PATL2: variants seen among roughly 807,000 people sequenced by gnomAD.
PATL2 encodes protein PAT1 homolog 2.
A neutral mutation model predicts 77.0 loss-of-function variants in PATL2; 73 were observed. That is an observed-to-expected ratio of 0.95 (90% CI 0.78 to 1.15). The LOEUF (loss-of-function observed/expected upper bound fraction) is 1.15. Ranked by LOEUF, PATL2 falls within the 50% of genes most tolerant of loss-of-function variation. The pLI is 0.00. For synonymous variants in PATL2, 265 were observed against 257.1 expected (o/e 1.03, Z -0.29); for missense variants, 618 against 655.4 (o/e 0.94, Z 0.62).
intron 3 of PATL2, among the ~76,000 whole-genome samples, chr15:44,680,270 G>A (rs925288930): frequency 3.9e-5 from 6 of 152,202 alleles, no homozygotes; most frequent in Admixed American, 6.5e-5. Flanking sequence ...AGCCTGCTGA[G>A]CTGTTCTTTA....
In PATL2 at chr15:44,702,117, T is replaced by G. The variant is rs533376229; in HGVS notation, c.-76+7979A>C. On this transcript the variant is annotated intron_variant, in intron 3 of 17. Coordinates refer to ENST00000682850, the MANE Select transcript of PATL2 (RefSeq NM_001387263.1). ...TGGTATTAGTTCTTCTTCATATGTT[T>G]AGTAACATTTAGCAGTGAAGACATA... 7.9e-5 allele frequency among the ~76,000 whole-genome samples: 12 copies of G among 152,276 alleles called. No homozygotes were observed. The South Asian group carries it at 2.5e-3, about 32-fold the overall frequency.
At chr15:44,690,874 T>C (rs765145485) in intron 3 of PATL2, among the ~76,000 whole-genome samples, 18 of 152,160 alleles carry the variant, frequency 1.2e-4, no homozygotes, top group Non-Finnish European at 2.5e-4. Context: ...ATAAGTTTGC[T>C]ATTTTCTCTG....
chr15:44,701,116 C>T (rs1268041687), intron 3 of PATL2, among the ~76,000 whole-genome samples: 2 of 151,936 alleles, frequency 1.3e-5, no homozygotes, highest in Non-Finnish European at 1.5e-5. Context: ...TGGGATAAAT[C>T]CCACTTGGTC....
Position 44,669,791 on chromosome 15 carries a change from C to T in PATL2, c.862G>A (p.Gly288Arg). The change falls in exon 11 of 18, where the codon GGA becomes AGA. Residue 288 changes from glycine to arginine, a missense_variant. Coordinates refer to ENST00000682850, the MANE Select transcript of PATL2 (RefSeq NM_001387263.1). ...AGTGCTCCCACCTGCTCTTGAGTTC[C>T]ATGGGGTACCGCATCAATAGCTCGG... is the stretch of plus-strand genomic sequence containing the variant. ...PRRAIDAVPH[G>R]TQEQDIEAAS... is the part of the protein sequence containing the mutation. 1 of 1,551,702 alleles carries T rather than the reference C, an allele frequency of 6.4e-7. No homozygotes were observed. The highest frequency in any genetic ancestry group is 8.7e-7 in the Non-Finnish European group (1 of 1,146,986).
At chr15:44,680,731 T>C (rs2086115895) in intron 3 of PATL2, among the ~76,000 whole-genome samples, 1 of 152,238 alleles carries the variant, frequency 6.6e-6, no homozygotes, top group Non-Finnish European at 1.5e-5. Context: ...ACCAAACTTC[T>C]CCATTTCCTC....
chr15:44,694,874 T>C (rs1164095490), intron 3 of PATL2, among the ~76,000 whole-genome samples: 3 of 152,068 alleles, frequency 2.0e-5, no homozygotes, highest in Non-Finnish European at 4.4e-5. Context: ...CCGAGGACCC[T>C]TAGATCAACC....
rs1415799874 is a variant in PATL2, at chr15:44,676,111, G to C, written c.16+364C>G. 2.8e-5 allele frequency: 10 copies of C among 360,932 alleles called. No individual in the cohort carries two copies. In the East Asian group the frequency reaches 5.6e-4, roughly 20 times the overall value. The allele number at this position is 360,932 out of a possible 1,614,324, so 22.4% of individuals were successfully genotyped here. On this transcript the variant is annotated intron_variant, in intron 4 of 17. Transcript: ENST00000682850. ...TCTTCAATTCCTTCATTAAGTTCTAGCACAGCCTTTTCCATCTGCTCTGCC... is the reference window on the plus strand; with the variant it reads ...TCTTCAATTCCTTCATTAAGTTCTACCACAGCCTTTTCCATCTGCTCTGCC...
chr15:44,668,015 G>C (rs1351722721), intron 15 of PATL2, among the ~76,000 whole-genome samples: 1 of 152,154 alleles, frequency 6.6e-6, no homozygotes, highest in Non-Finnish European at 1.5e-5. Context: ...ATAAACACAT[G>C]GGTAGTGTGG....
chr15:44,674,049 C>G lies in PATL2; in HGVS notation c.303+101G>C, dbSNP rs552279584. On this transcript the variant is annotated intron_variant, in intron 6 of 17. Transcript: ENST00000682850. Reference sequence around the variant, plus strand: ...CAACTCCCACCTCCCACACCCATACCTCACTTTGGGTGCCTTAACTCCAGA... The same window carrying G: ...CAACTCCCACCTCCCACACCCATACGTCACTTTGGGTGCCTTAACTCCAGA... 4.4e-6 allele frequency: 5 copies of G among 1,130,830 alleles called. No homozygotes were observed. The East Asian group carries it at 1.3e-4, about 29-fold the overall frequency. 70.0% of individuals were successfully genotyped at this position (1,130,830 alleles called of 1,614,324 possible).
chr15:44,678,350 T>G (rs2141220542), intron 3 of PATL2, among the ~76,000 whole-genome samples: 1 of 152,324 alleles, frequency 6.6e-6, no homozygotes, highest in Non-Finnish European at 1.5e-5. Flanking sequence ...CTTCTGGTAC[T>G]GACTAGTACC....
At chr15:44,706,739 T>C (rs530119273) in intron 3 of PATL2, among the ~76,000 whole-genome samples, 5 of 152,362 alleles carry the variant, frequency 3.3e-5, no homozygotes, top group Non-Finnish European at 7.3e-5. Flanking sequence ...CCAAGGCCTA[T>C]GGTAACCACC....
rs1370961794 is a variant in PATL2, at chr15:44,674,066, A to G, written c.303+84T>C. ...ACCCATACCTCACTTTGGGTGCCTT[A>G]ACTCCAGACCAGGGTTGGGGGTAGA... On this transcript the variant is annotated intron_variant, in intron 6 of 17. Transcript: ENST00000682850. 3.0e-6 allele frequency: 4 copies of G among 1,328,106 alleles called. No individual in the cohort carries two copies. In the African/African-American group the frequency reaches 4.4e-5, roughly 15 times the overall value. 82.3% of individuals were successfully genotyped at this position (1,328,106 alleles called of 1,614,324 possible). A position where few individuals can be genotyped will look rare whatever the true frequency, so the allele number is the denominator to read the frequency against.
chr15:44,691,571 T>C (rs967117496), intron 3 of PATL2, among the ~76,000 whole-genome samples: 2 of 151,876 alleles, frequency 1.3e-5, no homozygotes, highest in Non-Finnish European at 2.9e-5. Flanking sequence ...GGCACAAGAA[T>C]TGCTTGAACT....
intron 3 of PATL2, among the ~76,000 whole-genome samples, chr15:44,692,979 G>A (rs2086425423): frequency 6.6e-6 from 1 of 152,362 alleles, no homozygotes; most frequent in Non-Finnish European, 1.5e-5. Context: ...GACCAAGCCA[G>A]GCTTTGGCAA....
chr15:44,674,165 C>G lies in PATL2; in HGVS notation c.288G>C (p.Leu96Phe). The G allele has an allele frequency of 6.5e-7, 1 of 1,549,600 alleles. No homozygotes were observed. The highest frequency in any genetic ancestry group is 8.7e-7 in the Non-Finnish European group (1 of 1,145,192). Residue 96 changes from leucine to phenylalanine, a missense_variant, in exon 6 of 18, where the codon TTG becomes TTC. Leu to Phe is a conservative substitution (Grantham distance 22). Transcript: ENST00000682850. ...GCAGACTCACCTGCCACAGAAAATGCAAGGAGGCAAGTGACATTCCCAGCA... is the reference window on the plus strand; with the variant it reads ...GCAGACTCACCTGCCACAGAAAATGGAAGGAGGCAAGTGACATTCCCAGCA... ...PGMLGMSLAS[L>F]HFLWQTLDYL...
chr15:44,711,328 T>A (rs1012385302), upstream of PATL2: 1 of 637,074 alleles, frequency 1.6e-6, no homozygotes, highest in Non-Finnish European at 2.8e-6. Context: ...GACAGCAAAC[T>A]CACCCAGTCT....
intron 6 of PATL2, 42 bp from the exon 7 acceptor site, chr15:44,673,419 C>T (rs2085792075): frequency 3.2e-6 from 5 of 1,547,372 alleles, no homozygotes; most frequent in Non-Finnish European, 4.4e-6. Flanking sequence ...GCCATCTCCA[C>T]CAAAAGAATG....
intron 3 of PATL2, among the ~76,000 whole-genome samples, chr15:44,707,427 G>T (rs1394354761): frequency 6.6e-6 from 1 of 152,072 alleles, no homozygotes; most frequent in East Asian, 1.9e-4. Context: ...GGGCCAAAGG[G>T]CTCTTTAGTC....
intron 3 of PATL2, chr15:44,676,918 A>G (rs995263058): frequency 2.0e-6 from 2 of 1,020,760 alleles, no homozygotes; most frequent in African/African-American, 3.4e-5. Flanking sequence ...AGCCTGGGCC[A>G]GGACCTGTTT....
Sources: allele counts gnomAD v4.1 joint callset (sites outside exome capture counted in the v4.1 genomes callset), GRCh38; gene constraint gnomAD v4.1.1; transcripts MANE v1.5; gene names NCBI Gene and HGNC (gene_info 2026-07-23, HGNC 2026-07-21).